Variants in VPS8 observed in about 807,000 individuals in gnomAD.
VPS8 encodes the protein vacuolar protein sorting-associated protein 8 homolog.
VPS8 carries 129 observed loss-of-function variants against 216.4 expected under a neutral mutation model. The observed-to-expected ratio is 0.60, with a 90% CI of 0.52 to 0.69. The LOEUF (loss-of-function observed/expected upper bound fraction) is 0.69, where lower values mean the gene tolerates loss of function less well. Among genes scored for constraint, VPS8 ranks in the 30% least tolerant of loss-of-function variants. The pLI, the probability that VPS8 is intolerant of heterozygous loss-of-function variation, is 0.00. For synonymous variants in VPS8, 571 were observed against 565.4 expected (o/e 1.01, Z -0.14); for missense variants, 1,531 against 1,683.5 (o/e 0.91, Z 1.59).
intron 36 of VPS8, among the ~76,000 whole-genome samples, chr3:184,948,678 G>A (rs1470295916): frequency 1.3e-5 from 2 of 152,164 alleles, no homozygotes; most frequent in Non-Finnish European, 2.9e-5. Context: ...TCCTGGGCCT[G>A]TCAGAAAGTG....
chr3:184,957,262 C>G (rs1338462125), intron 36 of VPS8, 112 bp from the exon 37 acceptor site: 1 of 1,097,282 alleles, frequency 9.1e-7, no homozygotes, highest in African/African-American at 1.6e-5. Flanking sequence ...TTTATCTGAC[C>G]AGCAGGTAGT....
intron 46 of VPS8, among the ~76,000 whole-genome samples, chr3:185,029,031 C>G (rs1757758327): frequency 6.6e-6 from 1 of 152,186 alleles, no homozygotes. Flanking sequence ...AGGCTTGTCT[C>G]CCAGGCATGG....
At chr3:184,969,666 G>T (rs1253887614) in intron 39 of VPS8, among the ~76,000 whole-genome samples, 3 of 139,616 alleles carry the variant, frequency 2.1e-5, no homozygotes, top group Non-Finnish European at 4.6e-5. Flanking sequence ...CTGACCTCAG[G>T]TGATCCACCC....
chr3:184,990,209 C>G (rs193187390), intron 42 of VPS8, among the ~76,000 whole-genome samples: 1 of 152,308 alleles, frequency 6.6e-6, no homozygotes, highest in East Asian at 1.9e-4. Flanking sequence ...ATTTAATCCA[C>G]GTTAAATCCT....
chr3:184,824,365 C>T, intron 1 of VPS8, 180 bp from the exon 2 acceptor site: 2 of 327,048 alleles, frequency 6.1e-6, no homozygotes, highest in Non-Finnish European at 5.7e-6. Flanking sequence ...CTCCTTTATG[C>T]TCTCATTGAA....
intron 47 of VPS8, among the ~76,000 whole-genome samples, chr3:185,050,540 A>G (rs552050224): frequency 1.3e-5 from 2 of 152,370 alleles, no homozygotes; most frequent in Admixed American, 1.3e-4. Flanking sequence ...ACCCTTTGCC[A>G]GAGGTCGGAG....
intron 5 of VPS8, among the ~76,000 whole-genome samples, chr3:184,835,627 AT>A (rs1195285831): frequency 2.6e-5 from 4 of 151,942 alleles, no homozygotes; most frequent in Non-Finnish European, 5.9e-5. Flanking sequence ...AGGAAGTTTA[AT>A]GTATTTTCAT....
chr3:184,914,839 C>A, intron 26 of VPS8, 142 bp from the exon 27 acceptor site: 2 of 788,212 alleles, frequency 2.5e-6, no homozygotes, highest in Admixed American at 2.2e-5. Flanking sequence ...TCTTGACCTG[C>A]TTTGGAACTT....
At chr3:184,942,757 TTAA>T in intron 36 of VPS8, among the ~76,000 whole-genome samples, 1 of 152,356 alleles carries the variant, frequency 6.6e-6, no homozygotes, top group Non-Finnish European at 1.5e-5. Context: ...ATTTTTGAAT[TTAA>T]TGTTTGGCAT....
chr3:184,900,368 T>C (rs762262809), intron 24 of VPS8, among the ~76,000 whole-genome samples: 10 of 152,244 alleles, frequency 6.6e-5, no homozygotes, highest in Non-Finnish European at 1.5e-4. Flanking sequence ...TAGTTAGGTC[T>C]TCAGTGGGAA....
At chr3:184,902,746 C>T (rs1734777551) in intron 25 of VPS8, among the ~76,000 whole-genome samples, 1 of 151,316 alleles carries the variant, frequency 6.6e-6, no homozygotes, top group South Asian at 2.1e-4. Flanking sequence ...AGGAGAATCG[C>T]TTGAACCCGG....
chr3:184,926,299 C>T (rs954536029), intron 30 of VPS8, among the ~76,000 whole-genome samples: 4 of 151,732 alleles, frequency 2.6e-5, no homozygotes, highest in Admixed American at 1.3e-4. Context: ...ATCACTTGAA[C>T]CCGGGAGGCA....
intron 16 of VPS8, among the ~76,000 whole-genome samples, chr3:184,866,536 A>G (rs1727387892): frequency 6.6e-6 from 1 of 152,232 alleles, no homozygotes; most frequent in Admixed American, 6.5e-5. Flanking sequence ...AGTGAATTTT[A>G]TGGTGTGTGT....
chr3:184,982,739 A>G, intron 41 of VPS8, 92 bp downstream of exon 41: 1 of 1,068,842 alleles, frequency 9.4e-7, no homozygotes. Context: ...TCTTTTTCCA[A>G]TAGCATATTC....
intron 28 of VPS8, among the ~76,000 whole-genome samples, chr3:184,917,079 C>G (rs984308858): frequency 5.3e-5 from 8 of 152,222 alleles, no homozygotes; most frequent in Non-Finnish European, 1.2e-4. Context: ...AGGGGAAGTA[C>G]AGGATGCTAT....
intron 36 of VPS8, among the ~76,000 whole-genome samples, chr3:184,956,354 T>G (rs1418327167): frequency 1.3e-5 from 2 of 152,220 alleles, no homozygotes; most frequent in Admixed American, 6.5e-5. Context: ...GCAATCTTAC[T>G]TCACTACAGT....
At chr3:184,966,426 CTG>C (rs1470278178) in intron 38 of VPS8, among the ~76,000 whole-genome samples, 2 of 152,136 alleles carry the variant, frequency 1.3e-5, no homozygotes, top group Non-Finnish European at 2.9e-5. Flanking sequence ...TCCAAAGTGA[CTG>C]TGGTGGGATG....
At chr3:184,913,125 C>T (rs570679740) in intron 25 of VPS8, among the ~76,000 whole-genome samples, 3 of 152,248 alleles carry the variant, frequency 2.0e-5, no homozygotes, top group South Asian at 2.1e-4. Flanking sequence ...CCCTAGAGCA[C>T]GGTAGGTGGT....
chr3:184,971,643 A>G lies in VPS8; in HGVS notation c.3317-6A>G. The G allele has an allele frequency of 1.2e-6, 2 of 1,607,456 alleles. No homozygotes were observed. The highest frequency in any genetic ancestry group is 1.7e-6 in the Non-Finnish European group (2 of 1,175,908). On this transcript the variant is annotated splice_region_variant and splice_polypyrimidine_tract_variant and intron_variant, in intron 39 of 47. Transcript: ENST00000625842. ...TAAATGATGTTTACACTTTTTCTAA[A>G]TCTAGATACCAAAGAGGATCCCTCA...
Sources: gnomAD v4.1 joint callset for allele counts (sites outside exome capture counted in the v4.1 genomes callset) on GRCh38, gnomAD v4.1.1 for gene constraint, MANE v1.5 for transcripts, NCBI Gene and HGNC (gene_info 2026-07-23, HGNC 2026-07-21) for gene names.